The following ITGB5 variants were observed in gnomAD, a reference collection of about 807,000 sequenced individuals.
ITGB5 encodes integrin beta-5.
In ITGB5, 38 loss-of-function variants were observed where a neutral mutation model predicts 84.8. The observed-to-expected ratio is 0.45, with a 90% CI of 0.35 to 0.59. The LOEUF is 0.59. ITGB5 is among the 20% of genes least tolerant of loss of function. The pLI, the probability that ITGB5 is intolerant of heterozygous loss-of-function variation, is 0.01. For missense variants in ITGB5, 905 were observed against 1,034.5 expected (o/e 0.87, Z 1.72); for synonymous variants, 393 against 414.4 (o/e 0.95, Z 0.63).
At chr3:124,772,523 C>T (rs2063861412) in intron 11 of ITGB5, among the ~76,000 whole-genome samples, 1 of 152,224 alleles carries the variant, frequency 6.6e-6, no homozygotes, top group East Asian at 1.9e-4. Flanking sequence ...CGTTCCTCAG[C>T]CAAAGAGAAG....
chr3:124,805,245 C>T (rs111230426), intron 9 of ITGB5, among the ~76,000 whole-genome samples: 24,518 of 151,662 alleles, frequency 0.16, 2,682 homozygotes, highest in Non-Finnish European at 0.23. Flanking sequence ...CACACTCCAG[C>T]GATCCTCCCA....
At chr3:124,810,908 T>TCTTCTTTCTTTCTTTCTTTCTTTCTTTC (rs1553759104) in intron 8 of ITGB5, among the ~76,000 whole-genome samples, 76 of 150,062 alleles carry the variant, frequency 5.1e-4, no homozygotes, top group Middle Eastern at 3.4e-3. Flanking sequence ...CTCTTGTGGG[T>TCTTCTTTCTTTCTTTCTTTCTTTCTTTC]TTTCTTTCTT....
chr3:124,855,330 T>G (rs72974523), intron 3 of ITGB5, among the ~76,000 whole-genome samples: 4,513 of 152,054 alleles, frequency 0.03, 103 homozygotes, highest in South Asian at 0.045. Context: ...TAGATAGATA[T>G]ATGAAAAACC....
At chr3:124,877,404 AG>A (rs990382657) in intron 1 of ITGB5, among the ~76,000 whole-genome samples, 5 of 152,176 alleles carry the variant, frequency 3.3e-5, no homozygotes, top group African/African-American at 1.2e-4. Flanking sequence ...CACTATCTGC[AG>A]GGGAAAAAAA....
chr3:124,854,500 A>C (rs1383600108), intron 3 of ITGB5, among the ~76,000 whole-genome samples: 2 of 152,256 alleles, frequency 1.3e-5, no homozygotes, highest in African/African-American at 4.8e-5. Context: ...GAAAGAAACC[A>C]GCTAAAAGAC....
chr3:124,842,621 T>A (rs979466832), intron 4 of ITGB5, among the ~76,000 whole-genome samples: 18 of 152,166 alleles, frequency 1.2e-4, no homozygotes, highest in Non-Finnish European at 2.5e-4. Flanking sequence ...TGGGCCAGAC[T>A]GTGCAGGGTC....
intron 9 of ITGB5, among the ~76,000 whole-genome samples, chr3:124,802,587 G>A (rs1458706729): frequency 3.3e-5 from 5 of 152,222 alleles, no homozygotes; most frequent in Admixed American, 6.5e-5. Context: ...CCACTCAGAA[G>A]GGCCCACGCT....
chr3:124,823,503 A>G (rs2064738214), intron 5 of ITGB5, among the ~76,000 whole-genome samples: 1 of 151,684 alleles, frequency 6.6e-6, no homozygotes, highest in African/African-American at 2.4e-5. Flanking sequence ...ACTTATGGGT[A>G]GGAGTTGGAA....
chr3:124,883,246 C>T (rs1193870787), intron 1 of ITGB5, among the ~76,000 whole-genome samples: 2 of 152,166 alleles, frequency 1.3e-5, no homozygotes, highest in Admixed American at 6.5e-5. Context: ...AGTTACCAGG[C>T]CACGCAGGCA....
intron 10 of ITGB5, 129 bp from the exon 11 acceptor site, chr3:124,774,041 G>A: frequency 3.7e-6 from 3 of 821,724 alleles, no homozygotes; most frequent in Non-Finnish European, 5.8e-6. Context: ...CTCAGAGCCT[G>A]TTTGGGGAGA....
chr3:124,864,243 A>G (rs2065352297), intron 2 of ITGB5, among the ~76,000 whole-genome samples: 1 of 151,280 alleles, frequency 6.6e-6, no homozygotes, highest in Non-Finnish European at 1.5e-5. Flanking sequence ...AGTAGCTGGG[A>G]CTACAGGTGC....
chr3:124,844,001 T>C (rs2065043918), intron 4 of ITGB5, among the ~76,000 whole-genome samples: 1 of 152,070 alleles, frequency 6.6e-6, no homozygotes, highest in Non-Finnish European at 1.5e-5. Flanking sequence ...CAAGCTGACA[T>C]GGAAAGGCTC....
chr3:124,821,501 A>G, intron 5 of ITGB5, 27 bp from the exon 6 acceptor site: 1 of 1,612,634 alleles, frequency 6.2e-7, no homozygotes. Flanking sequence ...GGATGGGTAC[A>G]CCAGTCTTTC....
intron 7 of ITGB5, among the ~76,000 whole-genome samples, chr3:124,818,817 T>A (rs1388617184): frequency 6.6e-6 from 1 of 152,180 alleles, no homozygotes; most frequent in East Asian, 1.9e-4. Flanking sequence ...TCAGTGATAA[T>A]CTCAGGCAGG....
At chr3:124,776,505 C>A (rs1218257272) in intron 10 of ITGB5, among the ~76,000 whole-genome samples, 1 of 152,200 alleles carries the variant, frequency 6.6e-6, no homozygotes, top group Non-Finnish European at 1.5e-5. Context: ...CATATCCTCC[C>A]CACCCAGATC....
At chr3:124,887,811 A>G (rs1934900715), upstream of ITGB5, 1 of 327,234 alleles carries the variant, frequency 3.1e-6, no homozygotes, top group Non-Finnish European at 6.6e-6. Flanking sequence ...GCGGCCTGAG[A>G]TGGGACGTAG....
chr3:124,808,463 G>A (rs1475706033), intron 9 of ITGB5, among the ~76,000 whole-genome samples: 1 of 152,134 alleles, frequency 6.6e-6, no homozygotes, highest in African/African-American at 2.4e-5. Flanking sequence ...GCTCCCTCAC[G>A]CAAGTCCTTG....
chr3:124,856,066 C>G lies in ITGB5; in HGVS notation c.361+3176G>C, dbSNP rs536587415. 3.9e-5 allele frequency among the ~76,000 whole-genome samples: 6 copies of G among 152,134 alleles called. No homozygotes were observed. In the South Asian group the frequency reaches 1.0e-3, roughly 26 times the overall value. On this transcript the variant is annotated intron_variant, in intron 3 of 14. Transcript: ENST00000296181. ...GGGATCCTTCCACCTCAGTCTCCCC[C>G]ATAGCAACGGGGTCTCACTATGTTG... is the stretch of plus-strand genomic sequence containing the variant.
intron 10 of ITGB5, among the ~76,000 whole-genome samples, chr3:124,782,170 T>A (rs2064014702): frequency 6.6e-6 from 1 of 152,184 alleles, no homozygotes; most frequent in Admixed American, 6.5e-5. Context: ...TCATTAGTCC[T>A]CCCAATAATA....
Sources: allele counts gnomAD v4.1 joint callset (sites outside exome capture counted in the v4.1 genomes callset), GRCh38; gene constraint gnomAD v4.1.1; transcripts MANE v1.5; gene names NCBI Gene and HGNC (gene_info 2026-07-23, HGNC 2026-07-21).